ZFAND3: variants seen among roughly 807,000 people sequenced by gnomAD.
ZFAND3 encodes the protein zinc finger AN1-type containing 3, also known as AN1-type zinc finger protein 3.
ZFAND3 carries 10 observed loss-of-function variants against 29.6 expected under a neutral mutation model. That is an observed-to-expected ratio of 0.34 (90% CI 0.21 to 0.57). The LOEUF (loss-of-function observed/expected upper bound fraction) is 0.57, where lower values mean the gene tolerates loss of function less well. ZFAND3 is among the 20% of genes least tolerant of loss of function. ZFAND3 has a pLI of 0.86. For missense variants in ZFAND3, 230 were observed against 304.5 expected (o/e 0.76, Z 1.82); for synonymous variants, 128 against 112.6 (o/e 1.14, Z -0.87).
intron 2 of ZFAND3, among the ~76,000 whole-genome samples, chr6:38,042,898 A>G (rs1267623209): frequency 1.3e-5 from 2 of 151,982 alleles, no homozygotes; most frequent in Non-Finnish European, 2.9e-5. Flanking sequence ...CAAATCAGAC[A>G]TTTCTGTATG....
chr6:38,008,661 T>G (rs1297607890), intron 2 of ZFAND3, among the ~76,000 whole-genome samples: 1 of 152,154 alleles, frequency 6.6e-6, no homozygotes, highest in Non-Finnish European at 1.5e-5. Flanking sequence ...ACCATCTCTC[T>G]CATCTTCTTC....
chr6:38,114,165 A>C (rs1453948629), intron 4 of ZFAND3, among the ~76,000 whole-genome samples: 4 of 152,328 alleles, frequency 2.6e-5, no homozygotes, highest in Admixed American at 2.0e-4. Context: ...TCAGAAAAAA[A>C]CATTTTTTGT....
rs76055357 is a variant in ZFAND3 at position 38,125,397 on chromosome 6, A to T, written c.529+8658A>T. 1.1e-4 allele frequency among the ~76,000 whole-genome samples: 16 copies of T among 152,258 alleles called. 1 individual carries two copies. Among genetic ancestry groups the T allele is most frequent in the Admixed American group, 4.6e-4 (7 of 15,296 alleles). On this transcript the variant is annotated intron_variant, in intron 5 of 5. Coordinates refer to ENST00000287218, the MANE Select transcript of ZFAND3 (RefSeq NM_021943.3). Reference sequence around the variant, plus strand: ...CTGTCCCAGAGACCCAGCCTACCCTATGTTCTTTGACAGGGCTGTAGAGAG... The same window carrying T: ...CTGTCCCAGAGACCCAGCCTACCCTTTGTTCTTTGACAGGGCTGTAGAGAG...
intron 3 of ZFAND3, among the ~76,000 whole-genome samples, chr6:38,076,276 T>G (rs1327930388): frequency 6.6e-6 from 1 of 152,190 alleles, no homozygotes. Flanking sequence ...GCACACTTAA[T>G]AGACTCTACA....
chr6:38,009,163 G>A (rs1023859223), intron 2 of ZFAND3, among the ~76,000 whole-genome samples: 1 of 152,126 alleles, frequency 6.6e-6, no homozygotes, highest in African/African-American at 2.4e-5. Context: ...AGCCCTTTGA[G>A]TATATTAACT....
chr6:37,985,524 CACA>C (rs1561956602), intron 2 of ZFAND3, among the ~76,000 whole-genome samples: 6 of 148,658 alleles, frequency 4.0e-5, no homozygotes, highest in Non-Finnish European at 7.4e-5. Context: ...CACACACACA[CACA>C]CCCCCACACA....
chr6:38,104,661 T>C (rs1479759305), intron 4 of ZFAND3, among the ~76,000 whole-genome samples: 1 of 152,148 alleles, frequency 6.6e-6, no homozygotes, highest in African/African-American at 2.4e-5. Flanking sequence ...AAGAAAATCA[T>C]GTGAGAAGTC....
intron 4 of ZFAND3, 95 bp downstream of exon 4, chr6:38,082,552 T>A (rs928483495): frequency 3.4e-6 from 4 of 1,184,438 alleles, no homozygotes; most frequent in South Asian, 1.4e-5. Context: ...CAGGGTACTC[T>A]GATTTCTTCC....
chr6:38,107,016 G>A (rs1170193175), intron 4 of ZFAND3, among the ~76,000 whole-genome samples: 7 of 152,024 alleles, frequency 4.6e-5, no homozygotes, highest in African/African-American at 1.4e-4. Flanking sequence ...TTTTCCTTAG[G>A]TTTAAAATAA....
chr6:37,993,605 G>A (rs999402648), intron 2 of ZFAND3, among the ~76,000 whole-genome samples: 1 of 152,202 alleles, frequency 6.6e-6, no homozygotes, highest in Non-Finnish European at 1.5e-5. Context: ...GGGATTACAG[G>A]CGTGAACCAC....
intron 2 of ZFAND3, among the ~76,000 whole-genome samples, chr6:37,989,760 C>T (rs1393254171): frequency 6.6e-6 from 1 of 152,108 alleles, no homozygotes; most frequent in Non-Finnish European, 1.5e-5. Context: ...TGTTGGCTGG[C>T]ACGGTAGTTT....
chr6:38,097,718 GATA>G (rs2127476495), intron 4 of ZFAND3, among the ~76,000 whole-genome samples: 1 of 152,294 alleles, frequency 6.6e-6, no homozygotes, highest in South Asian at 2.1e-4. Context: ...ATGCTCAGTA[GATA>G]ATAGAGATGT....
chr6:37,982,424 G>T (rs1371790481), intron 2 of ZFAND3, among the ~76,000 whole-genome samples: 2 of 152,100 alleles, frequency 1.3e-5, no homozygotes, highest in East Asian at 1.9e-4. Flanking sequence ...CTTCTAGAGG[G>T]TGAAAGATGA....
intron 5 of ZFAND3, among the ~76,000 whole-genome samples, chr6:38,120,377 G>GCTCCA (rs1355534737): frequency 1.5e-5 from 2 of 133,168 alleles, no homozygotes; most frequent in Non-Finnish European, 3.1e-5. Context: ...CCAGGCTGGA[G>GCTCCA]TGCAGTGGCA....
chr6:38,086,968 A>G lies in ZFAND3; in HGVS notation c.361+4511A>G, dbSNP rs182205853. On this transcript the variant is annotated intron_variant, in intron 4 of 5. Coordinates refer to ENST00000287218, the MANE Select transcript of ZFAND3 (RefSeq NM_021943.3). ...CTACAGAGCTATACTAACCAGAACA[A>G]CCTCAAACTGGCATAAAAAGATATG... Among the ~76,000 whole-genome samples, 430 of 152,248 alleles carry G rather than the reference A, an allele frequency of 2.8e-3. 3 individuals carry two copies. The highest frequency in any genetic ancestry group is 9.9e-3 in the African/African-American group (413 of 41,552).
At chr6:37,952,811 TCTC>T (rs1330356585) in intron 2 of ZFAND3, among the ~76,000 whole-genome samples, 2 of 151,242 alleles carry the variant, frequency 1.3e-5, no homozygotes, top group African/African-American at 4.9e-5. Flanking sequence ...CCAGCTTCCT[TCTC>T]CTCTAGCCCA....
intron 2 of ZFAND3, among the ~76,000 whole-genome samples, chr6:38,000,619 C>T (rs549021436): frequency 2.3e-4 from 35 of 152,228 alleles, no homozygotes; most frequent in African/African-American, 7.5e-4. Context: ...TGGGAAAGAC[C>T]TGCCCCCATG....
rs368727930 is a variant in ZFAND3 at position 38,129,862 on chromosome 6, G to A, written c.529+13123G>A. Among the ~76,000 whole-genome samples the A allele has an allele frequency of 2.6e-5, 4 of 151,518 alleles. No homozygotes were observed. The East Asian group carries it at 5.8e-4, about 22-fold the overall frequency. ...TTTTTCTAGTTCTGTGAAGAATGTT[G>A]GTGGTACTTTGATGAGAATTGCACT... is the stretch of plus-strand genomic sequence containing the variant. On this transcript the variant is annotated intron_variant, in intron 5 of 5. Transcript: ENST00000287218.
chr6:38,145,713 C>G (rs904384593), intron 5 of ZFAND3, among the ~76,000 whole-genome samples: 3 of 152,190 alleles, frequency 2.0e-5, no homozygotes, highest in African/African-American at 7.2e-5. Flanking sequence ...GAATGTGTTT[C>G]TAAGGCCCTT....
Sources: gnomAD v4.1 joint callset for allele counts (sites outside exome capture counted in the v4.1 genomes callset) on GRCh38, gnomAD v4.1.1 for gene constraint, MANE v1.5 for transcripts, NCBI Gene and HGNC (gene_info 2026-07-23, HGNC 2026-07-21) for gene names.